NEB: variants seen among roughly 807,000 people sequenced by gnomAD.
The protein encoded by NEB is nemaline myopathy type 2.
NEB carries 512 observed loss-of-function variants against 952.2 expected under a neutral mutation model. The ratio of observed to expected loss-of-function variants is 0.54; its 90% CI spans 0.50 to 0.58. The LOEUF is 0.58. Among genes scored for constraint, NEB ranks in the 20% least tolerant of loss-of-function variants. The pLI, the probability that NEB is intolerant of heterozygous loss-of-function variation, is 0.00. For missense variants in NEB, 8,428 were observed against 9,231.1 expected (o/e 0.91, Z 3.56); for synonymous variants, 2,900 against 3,149.8 (o/e 0.92, Z 2.66).
At chr2:151,663,523 C>T (rs2099170133) in intron 45 of NEB, 25 bp downstream of exon 45, 8 of 1,585,420 alleles carry the variant, frequency 5.0e-6, no homozygotes, top group Non-Finnish European at 6.9e-6. Context: ...AGAGTAAACG[C>T]TCTGCAAATG....
chr2:151,729,664 T>C lies in NEB; in HGVS notation c.37-8A>G, dbSNP rs770174815. The C allele has an allele frequency of 1.9e-5, 31 of 1,613,080 alleles. No homozygotes were observed. Among genetic ancestry groups the C allele is most frequent in the Non-Finnish European group, 2.5e-5 (30 of 1,179,408 alleles). Reference sequence around the variant, plus strand: ...CACTTCTTCTGTGTAGTACTGTAAATAGAGCACAAAGGCATTGGCAAGAGA... The same window carrying C: ...CACTTCTTCTGTGTAGTACTGTAAACAGAGCACAAAGGCATTGGCAAGAGA... On this transcript the variant is annotated splice_region_variant and splice_polypyrimidine_tract_variant and intron_variant, in intron 3 of 181. Transcript: ENST00000397345.
intron 13 of NEB, among the ~76,000 whole-genome samples, chr2:151,701,878 T>C (rs1212398289): frequency 7.2e-6 from 1 of 139,134 alleles, no homozygotes; most frequent in African/African-American, 2.7e-5. Context: ...AGTTCTGCTC[T>C]GATTTTAGTT....
intron 124 of NEB, among the ~76,000 whole-genome samples, chr2:151,558,816 T>A (rs564980806): frequency 3.3e-5 from 5 of 152,110 alleles, no homozygotes; most frequent in African/African-American, 1.2e-4. Flanking sequence ...GGACTAAAAA[T>A]GTACACATAA....
chr2:151,559,103 AAAC>A (rs202072006), intron 124 of NEB, among the ~76,000 whole-genome samples: 48,960 of 151,800 alleles, frequency 0.32, 8,120 homozygotes, highest in Admixed American at 0.42. Flanking sequence ...AGAAAAAAAC[AAAC>A]AACCCCATCA....
In NEB at chr2:151,694,373, C is replaced by T. The variant is rs1402608471; in HGVS notation, c.1846G>A (p.Asp616Asn). ...AAGGAGTGCAGCATCTTGGGATCGT[C>T]ATTAATGCTGAGGACTCCAATCATT... ...GKMIGVLSINDDPKMLHSLKV... is the reference protein window; with the variant it reads ...GKMIGVLSINNDPKMLHSLKV... The change falls in exon 20 of 182, where the codon GAC (aspartate) becomes AAC (asparagine). Residue 616 changes from aspartate to asparagine, a missense_variant. Transcript: ENST00000397345. 6.2e-7 allele frequency: 1 copy of T among 1,613,904 alleles called. No homozygotes were observed. Among genetic ancestry groups the T allele is most frequent in the Non-Finnish European group, 8.5e-7 (1 of 1,179,910 alleles).
intron 121 of NEB, among the ~76,000 whole-genome samples, 172 bp from the exon 122 acceptor site, chr2:151,561,484 G>C (rs55846441): frequency 0.25 from 37,367 of 151,448 alleles, 5,497 homozygotes; most frequent in Admixed American, 0.39. Flanking sequence ...AGAATGAATA[G>C]CTTCTCTTGA....
At chr2:151,630,117 A>G (rs2098633132) in intron 67 of NEB, among the ~76,000 whole-genome samples, 1 of 152,200 alleles carries the variant, frequency 6.6e-6, no homozygotes, top group Non-Finnish European at 1.5e-5. Context: ...TTAAAAGACA[A>G]ATAAGAAAAA....
chr2:151,627,869 G>T (rs1182504086), intron 68 of NEB, 35 bp from the exon 69 acceptor site: 2 of 1,595,330 alleles, frequency 1.3e-6, no homozygotes. Context: ...AAATAAAAAT[G>T]AATAGAAAGG....
At chr2:151,519,318 A>G (rs1448472732) in intron 154 of NEB, among the ~76,000 whole-genome samples, 7 of 152,356 alleles carry the variant, frequency 4.6e-5, no homozygotes, top group Middle Eastern at 6.8e-3. Context: ...GTTCTGATAT[A>G]TCCTACAACA....
chr2:151,697,614 G>A lies in NEB; in HGVS notation c.1187C>T (p.Ala396Val), dbSNP rs369957704. 2.0e-5 allele frequency: 32 copies of A among 1,610,710 alleles called. No individual in the cohort carries two copies. In the African/African-American group the frequency reaches 3.6e-4, roughly 18 times the overall value. ...GGTCTCGCAGTAATTTATGCTCTTTGCTTTTGTCTTTTCATAGTTTTCCTT... is the reference window on the plus strand; with the variant it reads ...GGTCTCGCAGTAATTTATGCTCTTTACTTTTGTCTTTTCATAGTTTTCCTT... Reference protein sequence around the residue: ...LYKENYEKTKAKSINYCETPK... With the variant: ...LYKENYEKTKVKSINYCETPK... The change falls in exon 14 of 182, where the codon GCA becomes GTA. Residue 396 changes from alanine (A) to valine (V), a missense_variant. Transcript: ENST00000397345.
intron 124 of NEB, among the ~76,000 whole-genome samples, chr2:151,555,614 A>T (rs1258133699): frequency 6.6e-6 from 1 of 152,160 alleles, no homozygotes; most frequent in African/African-American, 2.4e-5. Flanking sequence ...TGATTATATA[A>T]ACCAGGTTAA....
rs1181778984 is a variant in NEB at position 151,723,746 on chromosome 2, CTTTGT to C, written c.613-265_613-261del. ...TTTTCTCTGTGACTCTACCTGCCTT[CTTTGT>C]TTTTTTTTTTTTTTTTTTTTTTTGG... On this transcript the variant is annotated intron_variant, in intron 8 of 181. Transcript: ENST00000397345. Among the ~76,000 whole-genome samples, 439 of 55,822 alleles carry C rather than the reference CTTTGT, an allele frequency of 7.9e-3. 1 individual carries two copies. Among genetic ancestry groups the C allele is most frequent in the East Asian group, 0.065 (140 of 2,150 alleles). 36.6% of individuals were successfully genotyped at this position (55,822 alleles called of 152,430 possible).
chr2:151,648,450 A>T lies in NEB; in HGVS notation c.7431+1726T>A, dbSNP rs568077695. Among the ~76,000 whole-genome samples the T allele has an allele frequency of 1.7e-4, 26 of 152,282 alleles. No individual in the cohort carries two copies. The South Asian group carries it at 4.4e-3, about 26-fold the overall frequency. ...TAACACCAGAGTTTCTCTTTAAAAA[A>T]TTTTTTTATTTCCATATATTCATGG... On this transcript the variant is annotated intron_variant, in intron 54 of 181. Transcript: ENST00000397345.
chr2:151,697,841 C>T (rs769745267), intron 13 of NEB, among the ~76,000 whole-genome samples, 193 bp from the exon 14 acceptor site: 2 of 152,206 alleles, frequency 1.3e-5, no homozygotes, highest in Admixed American at 6.5e-5. Flanking sequence ...CCGAGGCGGG[C>T]GGATCACGAG....
intron 156 of NEB, among the ~76,000 whole-genome samples, chr2:151,517,589 A>G (rs2078584240): frequency 6.6e-6 from 1 of 151,524 alleles, no homozygotes; most frequent in African/African-American, 2.4e-5. Context: ...TGTGAACATC[A>G]CAGAGTACAC....
intron 13 of NEB, among the ~76,000 whole-genome samples, chr2:151,705,107 G>T (rs139106679): frequency 2.4e-4 from 36 of 151,762 alleles, no homozygotes; most frequent in Non-Finnish European, 4.1e-4. Flanking sequence ...TGAGAAATAC[G>T]CAATCTCCCT....
intron 138 of NEB, 140 bp downstream of exon 138, chr2:151,540,204 T>C: frequency 4.4e-6 from 2 of 450,224 alleles, no homozygotes; most frequent in Non-Finnish European, 7.4e-6. Context: ...GGCATTTTTT[T>C]TTCTCTTTAA....
intron 13 of NEB, among the ~76,000 whole-genome samples, chr2:151,702,775 T>A (rs1157373060): frequency 2.0e-5 from 3 of 152,330 alleles, no homozygotes; most frequent in East Asian, 1.9e-4. Context: ...GCACGTGAGT[T>A]GGGTTTCCTG....
chr2:151,672,760 C>T (rs530840484), intron 36 of NEB, 80 bp from the exon 37 acceptor site: 1 of 1,291,968 alleles, frequency 7.7e-7, no homozygotes, highest in East Asian at 2.3e-5. Flanking sequence ...TATAAAGACA[C>T]TCAGAGCTTT....
Sources: allele counts gnomAD v4.1 joint callset (sites outside exome capture counted in the v4.1 genomes callset), GRCh38; gene constraint gnomAD v4.1.1; transcripts MANE v1.5; gene names NCBI Gene and HGNC (gene_info 2026-07-23, HGNC 2026-07-21).